DNAI1: variants seen among roughly 807,000 people sequenced by gnomAD.
The protein encoded by DNAI1 is dynein, axonemal, intermediate polypeptide 1.
Under a neutral mutation model 92.0 loss-of-function variants are expected in DNAI1, and 67 were observed. The observed-to-expected ratio is 0.73, with a 90% CI of 0.60 to 0.89. The LOEUF is 0.89. DNAI1 is among the 40% of genes least tolerant of loss of function. The pLI is 0.00. For synonymous variants in DNAI1, 323 were observed against 319.6 expected (o/e 1.01, Z -0.11); for missense variants, 839 against 866.6 (o/e 0.97, Z 0.40).
At chr9:34,487,720 C>T (rs1055484113) in intron 4 of DNAI1, among the ~76,000 whole-genome samples, 19 of 152,192 alleles carry the variant, frequency 1.2e-4, no homozygotes, top group African/African-American at 3.9e-4. Flanking sequence ...TCAATTTCAA[C>T]GTACTCTTCT....
rs1824815636 is a variant in DNAI1 at position 34,500,812 on chromosome 9, A to G, written c.992A>G (p.Lys331Arg). ...TGGAAGTTCCAAAATGACAAAGCCA[A>G]GCGCCTGTCCGTCACTGCCCTCTGC... is the stretch of plus-strand genomic sequence containing the variant. ...PLWKFQNDKA[K>R]RLSVTALCWN... Residue 331 changes from lysine (K) to arginine (R), a missense_variant, in exon 11 of 20, where the codon AAG becomes AGG. By Grantham distance (26) the Lys-to-Arg change is conservative. Coordinates refer to ENST00000242317, the MANE Select transcript of DNAI1 (RefSeq NM_012144.4). 6.2e-7 allele frequency: 1 copy of G among 1,614,058 alleles called. No individual in the cohort carries two copies. Among genetic ancestry groups the G allele is most frequent in the South Asian group, 1.1e-5 (1 of 91,078 alleles).
intron 12 of DNAI1, among the ~76,000 whole-genome samples, chr9:34,506,084 G>A: frequency 6.6e-6 from 1 of 152,192 alleles, no homozygotes; most frequent in South Asian, 2.1e-4. Flanking sequence ...TGGGACTTCT[G>A]GGTTTGGGGA....
chr9:34,475,911 C>T (rs769300988), intron 1 of DNAI1, among the ~76,000 whole-genome samples: 3 of 152,040 alleles, frequency 2.0e-5, no homozygotes, highest in Non-Finnish European at 4.4e-5. Context: ...CGCTCAGGGA[C>T]AAATAGATCG....
intron 1 of DNAI1, among the ~76,000 whole-genome samples, chr9:34,473,135 T>C (rs1447029063): frequency 2.6e-5 from 4 of 152,086 alleles, no homozygotes; most frequent in East Asian, 1.9e-4. Context: ...GAGCTTTCCA[T>C]AGCAATACAT....
intron 12 of DNAI1, among the ~76,000 whole-genome samples, chr9:34,505,464 T>G (rs1483489386): frequency 1.3e-5 from 2 of 152,270 alleles, no homozygotes; most frequent in Non-Finnish European, 2.9e-5. Flanking sequence ...TTTCACTTAA[T>G]CAAATCTGCA....
At chr9:34,480,272 C>CTTTTTTTTT (rs202115133) in intron 1 of DNAI1, among the ~76,000 whole-genome samples, 4 of 99,438 alleles carry the variant, frequency 4.0e-5, no homozygotes, top group East Asian at 2.5e-4. Flanking sequence ...TTTGGTGGAA[C>CTTTTTTTTT]TTTTTTTTTT....
intron 7 of DNAI1, 45 bp downstream of exon 7, chr9:34,490,533 C>T (rs1354221865): frequency 6.2e-7 from 1 of 1,612,878 alleles, no homozygotes; most frequent in South Asian, 1.1e-5. Flanking sequence ...CTTCACTGTG[C>T]CTGGCAGGGA....
chr9:34,468,768 G>A (rs1377536551), intron 1 of DNAI1, among the ~76,000 whole-genome samples: 1 of 151,782 alleles, frequency 6.6e-6, no homozygotes, highest in African/African-American at 2.4e-5. Context: ...CAAGGCTGCA[G>A]TGAGCTGCGG....
Position 34,487,431 on chromosome 9 carries a change from C to T in DNAI1, c.262-1892C>T, listed in dbSNP as rs904313572. 1.2e-3 allele frequency among the ~76,000 whole-genome samples: 182 copies of T among 152,104 alleles called. 1 individual carries two copies. The highest frequency in any genetic ancestry group is 4.3e-3 in the African/African-American group (177 of 41,500). ...CAATCTCCTGACCTCATGATCTGCC[C>T]GCCTCAGCCTCCAAAAGTGCTGGGA... On this transcript the variant is annotated intron_variant, in intron 4 of 19. Coordinates refer to ENST00000242317, the MANE Select transcript of DNAI1 (RefSeq NM_012144.4).
chr9:34,514,029 G>A (rs1825123299), intron 16 of DNAI1, among the ~76,000 whole-genome samples: 1 of 152,174 alleles, frequency 6.6e-6, no homozygotes, highest in African/African-American at 2.4e-5. Flanking sequence ...TTGTCCACAG[G>A]TCCTGGCCTG....
At position 34,469,260 on chromosome 9, in the gene DNAI1, C is replaced by CTT. The variant is rs35082433; in HGVS notation, c.48+10229_48+10230dup. ...TGTAGGCCAGAAGACAATGGAATGGCTTTTTTTTTTTTTTTTTTTTTTTGA... is the reference window on the plus strand; with the variant it reads ...TGTAGGCCAGAAGACAATGGAATGGCTTTTTTTTTTTTTTTTTTTTTTTTTGA... On this transcript the variant is annotated intron_variant, in intron 1 of 19. Coordinates refer to ENST00000242317, the MANE Select transcript of DNAI1 (RefSeq NM_012144.4). 3.2e-3 allele frequency among the ~76,000 whole-genome samples: 258 copies of CTT among 80,126 alleles called. 1 individual carries two copies. Among genetic ancestry groups the CTT allele is most frequent in the Middle Eastern group, 7.8e-3 (1 of 128 alleles). The allele number at this position is 80,126 out of a possible 152,430, so 52.6% of individuals were successfully genotyped here.
intron 1 of DNAI1, among the ~76,000 whole-genome samples, chr9:34,480,515 T>A (rs1046739053): frequency 6.6e-6 from 1 of 151,876 alleles, no homozygotes; most frequent in African/African-American, 2.4e-5. Context: ...TGACCTCAGG[T>A]GAGCTGCCCA....
At chr9:34,503,873 G>A (rs1486313793) in intron 12 of DNAI1, among the ~76,000 whole-genome samples, 1 of 152,196 alleles carries the variant, frequency 6.6e-6, no homozygotes, top group Non-Finnish European at 1.5e-5. Flanking sequence ...TATAAAGCAG[G>A]TGGAGGAAGG....
At chr9:34,507,170 G>T (rs1354943549) in intron 13 of DNAI1, among the ~76,000 whole-genome samples, 1 of 152,174 alleles carries the variant, frequency 6.6e-6, no homozygotes, top group East Asian at 1.9e-4. Flanking sequence ...ATAGCTGGAA[G>T]GCTCCAGGGC....
At chr9:34,460,368 C>A (rs773402128) in intron 1 of DNAI1, among the ~76,000 whole-genome samples, 1 of 152,238 alleles carries the variant, frequency 6.6e-6, no homozygotes, top group African/African-American at 2.4e-5. Flanking sequence ...TTACCCCACT[C>A]AAGTCTAGGT....
chr9:34,514,818 C>A (rs918182350), intron 18 of DNAI1, 79 bp downstream of exon 18: 2 of 1,455,286 alleles, frequency 1.4e-6, no homozygotes, highest in African/African-American at 2.8e-5. Context: ...TGATGGAGAA[C>A]CCATCCCATG....
chr9:34,488,169 T>C (rs1193733352), intron 4 of DNAI1: 1 of 252,534 alleles, frequency 4.0e-6, no homozygotes, highest in African/African-American at 2.3e-5. Context: ...TTAATACTTA[T>C]AATTATCATG....
rs190654829 is a variant in DNAI1, at chr9:34,480,917, G to A, written c.49-2531G>A. Among the ~76,000 whole-genome samples the A allele has an allele frequency of 1.4e-3, 212 of 152,310 alleles. 5 individuals are homozygous for A. The East Asian group carries it at 0.035, about 25-fold the overall frequency. Reference sequence around the variant, plus strand: ...GCTGAGATGGTGCCACTGCACTCCAGCCTAGGCAACAGAGTAAGACTATCT... The same window carrying A: ...GCTGAGATGGTGCCACTGCACTCCAACCTAGGCAACAGAGTAAGACTATCT... On this transcript the variant is annotated intron_variant, in intron 1 of 19. Coordinates refer to ENST00000242317, the MANE Select transcript of DNAI1 (RefSeq NM_012144.4).
intron 16 of DNAI1, 23 bp from the exon 17 acceptor site, chr9:34,514,371 A>AC (rs769203399): frequency 6.2e-7 from 1 of 1,611,368 alleles, no homozygotes; most frequent in Non-Finnish European, 8.5e-7. Flanking sequence ...CTCACTTCTG[A>AC]CCCCCGTTCC....
Sources: allele counts gnomAD v4.1 joint callset (sites outside exome capture counted in the v4.1 genomes callset), GRCh38; gene constraint gnomAD v4.1.1; transcripts MANE v1.5; gene names NCBI Gene and HGNC (gene_info 2026-07-23, HGNC 2026-07-21).